The following PSMD14 variants were observed in gnomAD, a reference collection of about 807,000 sequenced individuals.
PSMD14 encodes proteasome 26S subunit, non-ATPase 14, also known as ubiquitin C-terminal hydrolase PSMD14.
In PSMD14, 7 loss-of-function variants were observed where a neutral mutation model predicts 41.2. The observed-to-expected ratio is 0.17, with a 90% CI of 0.10 to 0.32. PSMD14 has a LOEUF of 0.32. Among genes scored for constraint, PSMD14 ranks in the 10% least tolerant of loss-of-function variants. PSMD14 has a pLI of 1.00. For synonymous variants in PSMD14, 114 were observed against 122.3 expected, an observed-to-expected ratio of 0.93 and a Z score of 0.45; for missense variants, 139 against 375.6, an observed-to-expected ratio of 0.37 and a Z score of 5.21.
At chr2:161,376,317 C>A (rs1683501851) in intron 7 of PSMD14, among the ~76,000 whole-genome samples, 1 of 151,560 alleles carries the variant, frequency 6.6e-6, no homozygotes, top group Non-Finnish European at 1.5e-5. Context: ...TTATGACTAT[C>A]ATGAGGTAAT....
At chr2:161,315,964 C>T (rs1574112312) in intron 1 of PSMD14, among the ~76,000 whole-genome samples, 1 of 151,696 alleles carries the variant, frequency 6.6e-6, no homozygotes, top group African/African-American at 2.4e-5. Flanking sequence ...GCCTCAGCCA[C>T]CTGAGTAGCT....
At chr2:161,335,778 G>T (rs1410698318) in intron 3 of PSMD14, among the ~76,000 whole-genome samples, 1 of 152,184 alleles carries the variant, frequency 6.6e-6, no homozygotes, top group Non-Finnish European at 1.5e-5. Flanking sequence ...AGCCTGATAT[G>T]GTAGAAAGAA....
intron 7 of PSMD14, among the ~76,000 whole-genome samples, chr2:161,372,769 C>T (rs917348358): frequency 1.3e-5 from 2 of 151,718 alleles, no homozygotes; most frequent in Admixed American, 6.6e-5. Context: ...TTTAGTAACT[C>T]GTAAGTAATT....
chr2:161,359,306 A>C (rs1166361184), intron 3 of PSMD14, among the ~76,000 whole-genome samples: 1 of 152,158 alleles, frequency 6.6e-6, no homozygotes, highest in Non-Finnish European at 1.5e-5. Flanking sequence ...AATACTAAGA[A>C]TATAATTTTA....
intron 11 of PSMD14, 124 bp from the exon 12 acceptor site, chr2:161,411,178 T>C (rs1409733792): frequency 5.6e-6 from 3 of 539,498 alleles, no homozygotes; most frequent in Non-Finnish European, 9.6e-6. Flanking sequence ...AAAGTTAAAT[T>C]GTAAAATATT....
At chr2:161,395,002 G>A in intron 9 of PSMD14, 76 bp from the exon 10 acceptor site, 6 of 977,814 alleles carry the variant, frequency 6.1e-6, no homozygotes, top group South Asian at 2.6e-5. Flanking sequence ...TTTTTTTTTT[G>A]AAGTTTTTTT....
intron 3 of PSMD14, among the ~76,000 whole-genome samples, chr2:161,325,983 CA>C (rs903542324): frequency 6.6e-6 from 1 of 151,068 alleles, no homozygotes. Flanking sequence ...TTATTCTATA[CA>C]AAAAAAAATT....
At chr2:161,356,561 A>G (rs1683201139) in intron 3 of PSMD14, among the ~76,000 whole-genome samples, 1 of 151,988 alleles carries the variant, frequency 6.6e-6, no homozygotes, top group Non-Finnish European at 1.5e-5. Context: ...TTTTCCATCA[A>G]CTCAATAAAT....
intron 3 of PSMD14, among the ~76,000 whole-genome samples, chr2:161,357,580 G>T (rs1683225146): frequency 6.6e-6 from 1 of 152,204 alleles, no homozygotes; most frequent in African/African-American, 2.4e-5. Flanking sequence ...TTTTACAAGG[G>T]ATATGTGCAT....
chr2:161,330,808 A>G lies in PSMD14; in HGVS notation c.48+11935A>G, dbSNP rs114610515. Among the ~76,000 whole-genome samples the G allele has an allele frequency of 3.2e-3, 483 of 152,312 alleles. 1 individual carries two copies. The highest frequency in any genetic ancestry group is 0.011 in the African/African-American group (468 of 41,558). ...AAGGGCATAATGGCTTAGGGACAAT[A>G]GAGTAAATAATAAAAATAATAAAAA... On this transcript the variant is annotated intron_variant, in intron 3 of 11. Coordinates refer to ENST00000409682, the MANE Select transcript of PSMD14 (RefSeq NM_005805.6).
intron 1 of PSMD14, among the ~76,000 whole-genome samples, chr2:161,313,245 C>T (rs1254232293): frequency 6.6e-6 from 1 of 152,110 alleles, no homozygotes; most frequent in Admixed American, 6.5e-5. Flanking sequence ...CGCCATTTAC[C>T]ATCTAGGTCC....
At chr2:161,370,382 G>A (rs1395316264) in intron 6 of PSMD14, among the ~76,000 whole-genome samples, 1 of 152,010 alleles carries the variant, frequency 6.6e-6, no homozygotes, top group Non-Finnish European at 1.5e-5. Flanking sequence ...TCAGAGAACT[G>A]CCTCATGTTA....
intron 3 of PSMD14, among the ~76,000 whole-genome samples, chr2:161,329,561 A>G (rs1479633167): frequency 3.9e-5 from 6 of 152,060 alleles, no homozygotes; most frequent in Admixed American, 2.0e-4. Context: ...TCCTTTCTAA[A>G]CATTAGTAGA....
chr2:161,332,018 T>G (rs577419574), intron 3 of PSMD14, among the ~76,000 whole-genome samples: 3 of 152,350 alleles, frequency 2.0e-5, no homozygotes, highest in African/African-American at 7.2e-5. Flanking sequence ...ATAAAATGAA[T>G]AGAGTTGTCA....
intron 3 of PSMD14, among the ~76,000 whole-genome samples, chr2:161,352,645 CT>C (rs35378537): frequency 1.1e-4 from 17 of 152,128 alleles, no homozygotes; most frequent in Admixed American, 9.8e-4. Flanking sequence ...TTTTTTCTTC[CT>C]TTTTTTCAAA....
chr2:161,389,328 CTA>C (rs1254568251), intron 8 of PSMD14, among the ~76,000 whole-genome samples: 1 of 152,184 alleles, frequency 6.6e-6, no homozygotes, highest in African/African-American at 2.4e-5. Flanking sequence ...CTACGCCAGA[CTA>C]TGTCTGCTTA....
At chr2:161,349,473 T>A (rs1683088554) in intron 3 of PSMD14, among the ~76,000 whole-genome samples, 1 of 152,322 alleles carries the variant, frequency 6.6e-6, no homozygotes, top group East Asian at 1.9e-4. Flanking sequence ...TTATTGAGCA[T>A]CTTTTTTGTG....
At chr2:161,355,354 A>G (rs1683180988) in intron 3 of PSMD14, among the ~76,000 whole-genome samples, 1 of 152,152 alleles carries the variant, frequency 6.6e-6, no homozygotes, top group African/African-American at 2.4e-5. Flanking sequence ...TAAAGTCAGT[A>G]CTTTCAGGAT....
intron 2 of PSMD14, among the ~76,000 whole-genome samples, chr2:161,317,678 A>G (rs1689160863): frequency 6.6e-6 from 1 of 152,244 alleles, no homozygotes; most frequent in Non-Finnish European, 1.5e-5. Context: ...AATTGTTACC[A>G]GGATTCAACA....
Sources: gnomAD v4.1 joint callset for allele counts (sites outside exome capture counted in the v4.1 genomes callset) on GRCh38, gnomAD v4.1.1 for gene constraint, MANE v1.5 for transcripts, NCBI Gene and HGNC (gene_info 2026-07-23, HGNC 2026-07-21) for gene names.